Variants in ADGRV1 observed in about 807,000 individuals in gnomAD.
ADGRV1 encodes the protein G-protein coupled receptor 98.
ADGRV1 carries 359 observed loss-of-function variants against 596.2 expected under a neutral mutation model. The observed-to-expected ratio is 0.60, with a 90% confidence interval of 0.55 to 0.66. The LOEUF (loss-of-function observed/expected upper bound fraction) is 0.66, where lower values mean the gene tolerates loss of function less well. ADGRV1 is among the 30% of genes least tolerant of loss of function. The pLI is 0.00. For missense variants in ADGRV1, 7,274 were observed against 7,575.6 expected (o/e 0.96, Z 1.48); for synonymous variants, 2,681 against 2,679.2 (o/e 1.00, Z -0.02).
intron 84 of ADGRV1, among the ~76,000 whole-genome samples, chr5:90,970,512 C>A (rs1393281758): frequency 1.3e-5 from 2 of 149,328 alleles, no homozygotes; most frequent in Non-Finnish European, 3.0e-5. Flanking sequence ...GCCGGGTACC[C>A]CTGAGACAAA....
At position 90,958,245 on chromosome 5, in the gene ADGRV1, C is replaced by T. The variant is rs571015562; in HGVS notation, c.17857-7170C>T. Reference sequence around the variant, plus strand: ...GCTGCAATGAGCCAAAATTGTGCCACTGTACTCTGTCCTGGGTGACAGAGC... The same window carrying T: ...GCTGCAATGAGCCAAAATTGTGCCATTGTACTCTGTCCTGGGTGACAGAGC... On this transcript the variant is annotated intron_variant, in intron 83 of 89. Transcript: ENST00000405460. Among the ~76,000 whole-genome samples the T allele has an allele frequency of 5.3e-5, 7 of 132,666 alleles. No homozygotes were observed. The East Asian group carries it at 1.1e-3, about 21-fold the overall frequency. 87.0% of individuals were successfully genotyped at this position (132,666 alleles called of 152,430 possible).
chr5:90,899,286 T>C (rs1323600725), intron 83 of ADGRV1: 1 of 152,196 alleles, frequency 6.6e-6, no homozygotes, highest in Non-Finnish European at 1.5e-5. Flanking sequence ...AATCACAGCT[T>C]TGCCCACCTG....
intron 85 of ADGRV1, among the ~76,000 whole-genome samples, chr5:90,995,585 G>T (rs1370506636): frequency 2.0e-5 from 3 of 152,124 alleles, no homozygotes; most frequent in African/African-American, 7.2e-5. Context: ...CCTGGAGTGG[G>T]GCATTGTTAT....
At chr5:90,788,878 A>ACACACACACACACACT (rs1759768188) in intron 68 of ADGRV1, among the ~76,000 whole-genome samples, 1 of 151,814 alleles carries the variant, frequency 6.6e-6, no homozygotes, top group Non-Finnish European at 1.5e-5. Context: ...ACACACACAC[A>ACACACACACACACACT]CACACACACA....
At chr5:90,583,795 A>G (rs1308011713) in intron 1 of ADGRV1, among the ~76,000 whole-genome samples, 1 of 152,098 alleles carries the variant, frequency 6.6e-6, no homozygotes, top group Non-Finnish European at 1.5e-5. Context: ...GAAATAACAG[A>G]CTGTGCTGCC....
At chr5:90,763,553 C>A in intron 59 of ADGRV1, 84 bp downstream of exon 59, 1 of 1,385,624 alleles carries the variant, frequency 7.2e-7, no homozygotes, top group Non-Finnish European at 1.0e-6. Context: ...ATTCAGGGAG[C>A]ACATGTGCAG....
At chr5:90,880,351 C>T (rs1353094759) in intron 83 of ADGRV1, among the ~76,000 whole-genome samples, 1 of 152,028 alleles carries the variant, frequency 6.6e-6, no homozygotes, top group Non-Finnish European at 1.5e-5. Flanking sequence ...GTTTCCTTTT[C>T]CTGAAAATTG....
Position 91,044,459 on chromosome 5 carries a change from AT to A in ADGRV1, c.18153-27981del, listed in dbSNP as rs1005342507. On this transcript the variant is annotated intron_variant, in intron 85 of 89. Transcript: ENST00000405460. ...TTTTAAGTAGTAATCACTTGTGTGCATTTTTTTCAGTATTGCTATTAAAAGA... is the reference window on the plus strand; with the variant it reads ...TTTTAAGTAGTAATCACTTGTGTGCATTTTTTCAGTATTGCTATTAAAAGA... 2.0e-5 allele frequency among the ~76,000 whole-genome samples: 3 copies of A among 152,218 alleles called. No homozygotes were observed. The East Asian group carries it at 5.8e-4, about 29-fold the overall frequency.
rs375786151 is a variant in ADGRV1, at chr5:90,675,318, A to G, written c.5186A>G (p.His1729Arg). Residue 1729 changes from histidine to arginine, a missense_variant, in exon 24 of 90, where the codon CAT (histidine) becomes CGT (arginine). This residue lies in a region of ADGRV1 where 3,643 missense variants were observed against 3,809.2 expected (regional missense o/e 0.96). Coordinates refer to ENST00000405460, the MANE Select transcript of ADGRV1 (RefSeq NM_032119.4). ...AMTLPASSVP[H>R]ITVEEEDGEI... The stretch of plus-strand genomic sequence containing the variant: ...ACCCTGCCTGCAAGCAGCGTTCCAC[A>G]TATCACTGTGGAGGAGGAAGATGGA... The G allele has an allele frequency of 7.4e-5, 119 of 1,613,776 alleles. No individual in the cohort carries two copies. The highest frequency in any genetic ancestry group is 9.1e-5 in the Non-Finnish European group (107 of 1,179,872).
Position 91,062,139 on chromosome 5 carries a change from G to A in ADGRV1, c.18153-10308G>A, listed in dbSNP as rs1048472860. 2.6e-5 allele frequency among the ~76,000 whole-genome samples: 4 copies of A among 152,270 alleles called. No individual in the cohort carries two copies. In the South Asian group the frequency reaches 8.3e-4, roughly 32 times the overall value. On this transcript the variant is annotated intron_variant, in intron 85 of 89. Coordinates refer to ENST00000405460, the MANE Select transcript of ADGRV1 (RefSeq NM_032119.4). ...CATTTGTGTGTTGTTACTTGCATCTGAACCCTCTTCTTCTTCTCTCCCCTT... is the reference window on the plus strand; with the variant it reads ...CATTTGTGTGTTGTTACTTGCATCTAAACCCTCTTCTTCTTCTCTCCCCTT...
intron 89 of ADGRV1, among the ~76,000 whole-genome samples, chr5:91,154,863 A>T (rs1242004188): frequency 2.0e-5 from 3 of 152,140 alleles, no homozygotes; most frequent in Non-Finnish European, 4.4e-5. Flanking sequence ...CATAGGGTAA[A>T]CTGCCCCCAT....
In ADGRV1 at chr5:90,679,634, G is replaced by T; in HGVS notation, c.5524+5G>T. On this transcript the variant is annotated splice_donor_5th_base_variant and intron_variant, in intron 26 of 89. Transcript: ENST00000405460. ...TTCCAACTATTCACAAACGTGGTAA[G>T]CAGTTTTTCCAAGGTCCTTTACTAT... 1 of 1,608,886 alleles carries T rather than the reference G, an allele frequency of 6.2e-7. No homozygotes were observed. The highest frequency in any genetic ancestry group is 8.5e-7 in the Non-Finnish European group (1 of 1,175,636).
In ADGRV1 at chr5:90,724,960, C is replaced by A. The variant is rs769215629; in HGVS notation, c.9877C>A (p.Arg3293=). 1 of 1,602,734 alleles carries A rather than the reference C, an allele frequency of 6.2e-7. No homozygotes were observed. The highest frequency in any genetic ancestry group is 8.5e-7 in the Non-Finnish European group (1 of 1,175,732). Residue 3293 remains arginine, a synonymous_variant, in exon 46 of 90, where the codon CGA becomes AGA. Coordinates refer to ENST00000405460, the MANE Select transcript of ADGRV1 (RefSeq NM_032119.4). The part of the protein sequence containing the change: ...MLRKSSVTVY[R]WQGIFIPVED... ...AAGAAAATCATCTGTTACTGTTTAC[C>A]GATGGCAGGGGATTTTTATTCCAGT...
chr5:90,675,721 A>C (rs1323768686), intron 24 of ADGRV1, among the ~76,000 whole-genome samples: 1 of 152,008 alleles, frequency 6.6e-6, no homozygotes, highest in Non-Finnish European at 1.5e-5. Context: ...CTACGAGTTC[A>C]AGGCTATAGT....
At chr5:90,979,822 G>A (rs575939491) in intron 84 of ADGRV1, among the ~76,000 whole-genome samples, 2 of 152,232 alleles carry the variant, frequency 1.3e-5, no homozygotes, top group Admixed American at 6.5e-5. Flanking sequence ...AGTGAAATTG[G>A]CCAAAAAGCA....
intron 35 of ADGRV1, 30 bp downstream of exon 35, chr5:90,703,825 A>G (rs766880237): frequency 1.3e-6 from 2 of 1,524,072 alleles, no homozygotes; most frequent in South Asian, 1.2e-5. Context: ...TCGATCACAA[A>G]TATCTAGAAA....
In ADGRV1 at chr5:90,653,206, C is replaced by T; in HGVS notation, c.3635-3C>T. The T allele has an allele frequency of 6.3e-7, 1 of 1,597,182 alleles. No individual in the cohort carries two copies. Among genetic ancestry groups the T allele is most frequent in the East Asian group, 2.2e-5 (1 of 44,624 alleles). On this transcript the variant is annotated splice_polypyrimidine_tract_variant and splice_region_variant and intron_variant, in intron 19 of 89. Transcript: ENST00000405460. ...TTCTCACTCATAAATTTTCTTGTTACAGGTGGATCCCCAGGTCCTGGGGGC... is the reference window on the plus strand; with the variant it reads ...TTCTCACTCATAAATTTTCTTGTTATAGGTGGATCCCCAGGTCCTGGGGGC...
chr5:91,045,188 T>C (rs1355912395), intron 85 of ADGRV1, among the ~76,000 whole-genome samples: 1 of 152,138 alleles, frequency 6.6e-6, no homozygotes, highest in African/African-American at 2.4e-5. Context: ...AATCATTCTA[T>C]GAAGCCAGTG....
intron 83 of ADGRV1, among the ~76,000 whole-genome samples, chr5:90,909,700 A>G (rs937983325): frequency 1.3e-5 from 2 of 152,146 alleles, no homozygotes; most frequent in Admixed American, 1.3e-4. Context: ...GTTGAAGTTT[A>G]TATTTCGTTC....
Sources: allele counts gnomAD v4.1 joint callset (sites outside exome capture counted in the v4.1 genomes callset), GRCh38; gene constraint gnomAD v4.1.1; regional missense constraint gnomAD v4.1.1; transcripts MANE v1.5; gene names NCBI Gene and HGNC (gene_info 2026-07-23, HGNC 2026-07-21).